Variants in SNTG1 observed in about 807,000 individuals in gnomAD.
SNTG1 encodes the protein gamma-1-syntrophin.
SNTG1 carries 39 observed loss-of-function variants against 74.7 expected under a neutral mutation model. That is an observed-to-expected ratio of 0.52 (90% CI 0.40 to 0.68). The LOEUF is 0.68. Ranked by LOEUF, SNTG1 falls within the 30% of genes least tolerant of loss-of-function variation. SNTG1 has a pLI of 0.00. For synonymous variants in SNTG1, 254 were observed against 217.1 expected, an observed-to-expected ratio of 1.17 and a Z score of -1.49; for missense variants, 685 against 609.5, an observed-to-expected ratio of 1.12 and a Z score of -1.30.
chr8:50,258,660 C>T (rs1201304031), intron 2 of SNTG1, among the ~76,000 whole-genome samples: 1 of 151,912 alleles, frequency 6.6e-6, no homozygotes, highest in African/African-American at 2.4e-5. Flanking sequence ...ACTCATGGGG[C>T]TCAATAGTAT....
intron 4 of SNTG1, among the ~76,000 whole-genome samples, chr8:50,422,241 G>GATCT (rs35621527): frequency 2.6e-4 from 6 of 23,242 alleles, no homozygotes; most frequent in African/African-American, 7.1e-4. Flanking sequence ...CTTCAACAGC[G>GATCT]ATCTATCTAT....
At chr8:50,172,185 A>G (rs951691247) in intron 1 of SNTG1, among the ~76,000 whole-genome samples, 5 of 152,168 alleles carry the variant, frequency 3.3e-5, no homozygotes, top group African/African-American at 1.2e-4. Context: ...CCTCACAATG[A>G]ATGCTTTTAA....
intron 4 of SNTG1, among the ~76,000 whole-genome samples, chr8:50,422,193 G>C (rs1377095363): frequency 6.6e-6 from 1 of 152,094 alleles, no homozygotes; most frequent in African/African-American, 2.4e-5. Context: ...TTTCAAATAT[G>C]TCAACATATA....
chr8:50,680,107 A>G (rs532861920), intron 15 of SNTG1, among the ~76,000 whole-genome samples: 1 of 152,194 alleles, frequency 6.6e-6, no homozygotes, highest in South Asian at 2.1e-4. Context: ...GAGGATACTA[A>G]TTGACTCCAT....
At chr8:50,751,233 T>C (rs1405181713) in intron 17 of SNTG1, among the ~76,000 whole-genome samples, 1 of 152,078 alleles carries the variant, frequency 6.6e-6, no homozygotes, top group Non-Finnish European at 1.5e-5. Flanking sequence ...TTTTCTTCTT[T>C]AATGATTTAT....
intron 17 of SNTG1, among the ~76,000 whole-genome samples, chr8:50,718,404 T>C (rs1443071234): frequency 6.6e-6 from 1 of 152,230 alleles, no homozygotes; most frequent in Non-Finnish European, 1.5e-5. Flanking sequence ...ATAATGACTA[T>C]GCATCACTGC....
intron 8 of SNTG1, among the ~76,000 whole-genome samples, chr8:50,484,132 CTTT>C (rs1563453373): frequency 1.3e-4 from 15 of 114,554 alleles, no homozygotes; most frequent in African/African-American, 4.1e-4. Flanking sequence ...TTCTTTCTTT[CTTT>C]CCTTCTTTCT....
chr8:50,530,517 A>G lies in SNTG1; in HGVS notation c.549+258A>G, dbSNP rs142487106. Among the ~76,000 whole-genome samples, 16 of 152,340 alleles carry G rather than the reference A, an allele frequency of 1.1e-4. No individual in the cohort carries two copies. In the East Asian group the frequency reaches 2.7e-3, roughly 26 times the overall value. On this transcript the variant is annotated intron_variant, in intron 10 of 18. Transcript: ENST00000642720. The stretch of plus-strand genomic sequence containing the variant: ...GGGGATGTCACTGGAGATGTATAAT[A>G]TACAATCATTTTAGAACATTGCACA...
At chr8:50,514,130 C>A (rs530139288) in intron 9 of SNTG1, among the ~76,000 whole-genome samples, 2 of 152,240 alleles carry the variant, frequency 1.3e-5, no homozygotes, top group Admixed American at 1.3e-4. Context: ...AAGGTTTCGT[C>A]AATATTGTTG....
intron 9 of SNTG1, among the ~76,000 whole-genome samples, chr8:50,510,030 A>G (rs901799037): frequency 1.3e-5 from 2 of 152,208 alleles, no homozygotes; most frequent in Admixed American, 6.5e-5. Context: ...TTGCTCATTC[A>G]GTAGACTATT....
intron 1 of SNTG1, among the ~76,000 whole-genome samples, chr8:50,067,701 C>T (rs1386632604): frequency 6.6e-6 from 1 of 151,916 alleles, no homozygotes; most frequent in Non-Finnish European, 1.5e-5. Flanking sequence ...TTTGAGGATC[C>T]ACACCCTGAT....
intron 2 of SNTG1, among the ~76,000 whole-genome samples, chr8:50,196,760 T>C (rs1318261710): frequency 2.0e-5 from 3 of 148,586 alleles, no homozygotes; most frequent in Non-Finnish European, 4.5e-5. Flanking sequence ...TGTTTGAGAT[T>C]AGCCTGGCCA....
At chr8:49,990,175 T>C (rs1437858363) in intron 1 of SNTG1, among the ~76,000 whole-genome samples, 1 of 151,960 alleles carries the variant, frequency 6.6e-6, no homozygotes, top group Non-Finnish European at 1.5e-5. Context: ...ATCTTGTACA[T>C]AGAAAATCAT....
intron 3 of SNTG1, among the ~76,000 whole-genome samples, chr8:50,394,759 T>G (rs184114306): frequency 1.1e-3 from 164 of 151,986 alleles, no homozygotes; most frequent in African/African-American, 3.5e-3. Context: ...TCAAGGATGA[T>G]AAACAGTGTT....
chr8:50,657,866 T>A (rs2095193350), intron 14 of SNTG1, among the ~76,000 whole-genome samples: 1 of 152,244 alleles, frequency 6.6e-6, no homozygotes, highest in Admixed American at 6.5e-5. Context: ...ACATGTACCT[T>A]GCAGCTCAGA....
chr8:50,707,674 A>G (rs1177566338), intron 16 of SNTG1, among the ~76,000 whole-genome samples: 2 of 150,814 alleles, frequency 1.3e-5, no homozygotes, highest in Non-Finnish European at 2.9e-5. Flanking sequence ...AATTTGCTTC[A>G]GATAAACTTC....
intron 2 of SNTG1, among the ~76,000 whole-genome samples, chr8:50,283,126 A>C (rs188737194): frequency 6.6e-6 from 1 of 152,230 alleles, no homozygotes; most frequent in Non-Finnish European, 1.5e-5. Flanking sequence ...AACATTAAGT[A>C]ATCAACAGTG....
At chr8:50,220,723 A>C (rs2085022071) in intron 2 of SNTG1, among the ~76,000 whole-genome samples, 1 of 152,114 alleles carries the variant, frequency 6.6e-6, no homozygotes, top group Non-Finnish European at 1.5e-5. Flanking sequence ...CCTGAGAAGG[A>C]CCCTGGCACT....
intron 1 of SNTG1, among the ~76,000 whole-genome samples, chr8:49,972,151 CT>C (rs1466455225): frequency 6.6e-6 from 1 of 152,186 alleles, no homozygotes; most frequent in East Asian, 1.9e-4. Context: ...CAGCATGGTA[CT>C]GGTACCAAAA....
Sources: gnomAD v4.1 joint callset for allele counts (sites outside exome capture counted in the v4.1 genomes callset) on GRCh38, gnomAD v4.1.1 for gene constraint, MANE v1.5 for transcripts, NCBI Gene and HGNC (gene_info 2026-07-23, HGNC 2026-07-21) for gene names.